Variants in RUNX1T1 observed in about 807,000 individuals in gnomAD.
RUNX1T1 encodes RUNX1 partner transcriptional co-repressor 1.
In RUNX1T1, 4 loss-of-function variants were observed where a neutral mutation model predicts 62.8. That is an observed-to-expected ratio of 0.06 (90% CI 0.03 to 0.15). RUNX1T1 has a LOEUF of 0.15. Among genes scored for constraint, RUNX1T1 ranks in the 10% least tolerant of loss-of-function variants. The pLI is 1.00. For synonymous variants in RUNX1T1, 291 were observed against 286.0 expected (o/e 1.02, Z -0.18); for missense variants, 508 against 754.3 (o/e 0.67, Z 3.82).
chr8:92,025,943 A>G (rs1825057306), intron 1 of RUNX1T1, among the ~76,000 whole-genome samples: 1 of 152,258 alleles, frequency 6.6e-6, no homozygotes, highest in Non-Finnish European at 1.5e-5. Flanking sequence ...GATATTAGAA[A>G]AAAAGTTTGT....
intron 1 of RUNX1T1, among the ~76,000 whole-genome samples, chr8:92,027,235 G>A (rs550664617): frequency 1.3e-4 from 20 of 151,810 alleles, no homozygotes; most frequent in East Asian, 9.7e-4. Flanking sequence ...TTAAAATTTC[G>A]TTTCTCAGTC....
chr8:91,994,464 C>T (rs368139617), intron 5 of RUNX1T1: 124 of 328,200 alleles, frequency 3.8e-4, no homozygotes, highest in African/African-American at 2.2e-3. Context: ...TGGCTATGAA[C>T]GTAATGCTAA....
At chr8:91,973,082 T>C (rs1400216368) in intron 9 of RUNX1T1, among the ~76,000 whole-genome samples, 3 of 152,032 alleles carry the variant, frequency 2.0e-5, no homozygotes, top group Middle Eastern at 3.2e-3. Context: ...AAGATTTGCA[T>C]AGGGTCTGTA....
At chr8:92,033,082 G>A (rs574410683) in intron 1 of RUNX1T1, among the ~76,000 whole-genome samples, 8 of 152,002 alleles carry the variant, frequency 5.3e-5, no homozygotes, top group African/African-American at 1.9e-4. Context: ...ATCATCAATT[G>A]CCTCTAAATT....
intron 8 of RUNX1T1, chr8:91,979,775 A>T: frequency 1.9e-6 from 1 of 517,628 alleles, no homozygotes; most frequent in Non-Finnish European, 3.7e-6. Flanking sequence ...CACTACACTT[A>T]CGACAGGATG....
intron 1 of RUNX1T1, chr8:92,094,942 T>C (rs1351356245): frequency 1.2e-5 from 11 of 950,726 alleles, no homozygotes; most frequent in Non-Finnish European, 1.7e-5. Flanking sequence ...AATAATCTAT[T>C]GTTCCCCCTT....
chr8:92,095,125 T>C, intron 1 of RUNX1T1: 1 of 1,535,586 alleles, frequency 6.5e-7, no homozygotes, highest in South Asian at 1.2e-5. Context: ...AAGGCAGATT[T>C]CTCTTTCTCA....
chr8:92,010,730 A>G (rs1436050189), intron 4 of RUNX1T1: 4 of 287,084 alleles, frequency 1.4e-5, no homozygotes, highest in South Asian at 1.1e-4. Context: ...GTAAAATAAC[A>G]TATCTCATAT....
At chr8:92,012,252 A>T (rs1433699640) in intron 3 of RUNX1T1, among the ~76,000 whole-genome samples, 1 of 152,200 alleles carries the variant, frequency 6.6e-6, no homozygotes, top group Admixed American at 6.5e-5. Flanking sequence ...TCAAAAGGAC[A>T]GTACTTCCGG....
chr8:92,070,083 C>T (rs139077249), intron 2 of RUNX1T1, among the ~76,000 whole-genome samples: 44 of 152,324 alleles, frequency 2.9e-4, no homozygotes, highest in African/African-American at 9.9e-4. Context: ...AGTCTCCAAA[C>T]CCAAATTCTT....
chr8:91,980,323 A>G (rs147179049), intron 8 of RUNX1T1, among the ~76,000 whole-genome samples: 106 of 152,358 alleles, frequency 7.0e-4, no homozygotes, highest in African/African-American at 2.5e-3. Context: ...ACAAGGGTAC[A>G]AAACTCCAAA....
intron 6 of RUNX1T1, among the ~76,000 whole-genome samples, chr8:91,989,210 T>C (rs1341417517): frequency 6.6e-6 from 1 of 152,196 alleles, no homozygotes; most frequent in Non-Finnish European, 1.5e-5. Context: ...CGTGAGTATA[T>C]GTCCCTACAC....
rs113577781 is a variant in RUNX1T1, at chr8:91,991,969, G to A, written c.660-80C>T. The A allele has an allele frequency of 5.9e-5, 87 of 1,462,746 alleles. No individual in the cohort carries two copies. The Middle Eastern group carries it at 1.8e-3, about 30-fold the overall frequency. The allele number at this position is 1,462,746 out of a possible 1,614,324, so 90.6% of individuals were successfully genotyped here. A position where few individuals can be genotyped will look rare whatever the true frequency, so the allele number is the denominator to read the frequency against. On this transcript the variant is annotated intron_variant, in intron 5 of 10. Transcript: ENST00000396218. Reference sequence around the variant, plus strand: ...GTTCAGTCACTCATATTTGAGCTTGGAATAAAAACAGAATATTTTTTATTG... The same window carrying A: ...GTTCAGTCACTCATATTTGAGCTTGAAATAAAAACAGAATATTTTTTATTG...
At chr8:92,074,916 G>C (rs1385743199) in intron 2 of RUNX1T1, among the ~76,000 whole-genome samples, 1 of 152,130 alleles carries the variant, frequency 6.6e-6, no homozygotes, top group Non-Finnish European at 1.5e-5. Context: ...CCCCAAAGGA[G>C]TGTATCATCC....
intron 6 of RUNX1T1, among the ~76,000 whole-genome samples, chr8:91,990,042 C>T (rs1411685652): frequency 6.6e-6 from 1 of 151,936 alleles, no homozygotes; most frequent in South Asian, 2.1e-4. Context: ...TCTCTTTCTG[C>T]TTTCTAAACA....
chr8:92,032,016 C>G (rs989522699), intron 1 of RUNX1T1, among the ~76,000 whole-genome samples: 2 of 147,536 alleles, frequency 1.4e-5, no homozygotes, highest in East Asian at 4.0e-4. Flanking sequence ...TTTTTTGAAC[C>G]TGGGAGGCAG....
chr8:92,095,499 G>C (rs901504724), intron 1 of RUNX1T1: 16 of 1,519,412 alleles, frequency 1.1e-5, no homozygotes, highest in Non-Finnish European at 1.4e-5. Flanking sequence ...GCGCAGGAGG[G>C]AGAGGAGAGA....
intron 1 of RUNX1T1, among the ~76,000 whole-genome samples, chr8:92,043,520 AAAAT>A (rs1368884218): frequency 6.6e-6 from 1 of 151,996 alleles, no homozygotes; most frequent in East Asian, 1.9e-4. Flanking sequence ...ATAAAATTTT[AAAAT>A]AAATGAAATA....
chr8:91,996,463 A>C (rs1235513708), intron 5 of RUNX1T1, among the ~76,000 whole-genome samples: 2 of 152,152 alleles, frequency 1.3e-5, no homozygotes, highest in Non-Finnish European at 2.9e-5. Context: ...GGCCTCCCAA[A>C]GTGCTGGGAT....
Sources: allele counts gnomAD v4.1 joint callset (sites outside exome capture counted in the v4.1 genomes callset), GRCh38; gene constraint gnomAD v4.1.1; transcripts MANE v1.5; gene names NCBI Gene and HGNC (gene_info 2026-07-23, HGNC 2026-07-21).